The following DNAJC9 variants were observed in gnomAD, a reference collection of about 807,000 sequenced individuals.
DNAJC9 encodes the protein DnaJ heat shock protein family (Hsp40) member C9.
Under a neutral mutation model 32.4 loss-of-function variants are expected in DNAJC9, and 18 were observed. The observed-to-expected ratio is 0.56, with a 90% CI of 0.38 to 0.82. The LOEUF is 0.82. Among genes scored for constraint, DNAJC9 ranks in the 40% least tolerant of loss-of-function variants. DNAJC9 has a pLI of 0.00. For synonymous variants in DNAJC9, 113 were observed against 122.1 expected (o/e 0.93, Z 0.49); for missense variants, 310 against 321.8 (o/e 0.96, Z 0.28).
intron 4 of DNAJC9, 136 bp from the exon 5 acceptor site, chr10:73,243,655 C>T: frequency 1.6e-6 from 2 of 1,240,844 alleles, no homozygotes; most frequent in South Asian, 1.5e-5. Flanking sequence ...AAATGTCCTA[C>T]AATTGGTGTT....
downstream of DNAJC9, among the ~76,000 whole-genome samples, chr10:73,240,735 G>A (rs1451025789): frequency 1.3e-5 from 2 of 151,448 alleles, no homozygotes; most frequent in Non-Finnish European, 2.9e-5. Context: ...AAAAACCTCA[G>A]GTATAACTTA....
At chr10:73,244,312 A>C (rs1564723029) in intron 3 of DNAJC9, 3 of 182,214 alleles carry the variant, frequency 1.6e-5, no homozygotes, top group Non-Finnish European at 3.4e-5. Flanking sequence ...CCTGGGTAAC[A>C]TAGTGAGACC....
intron 3 of DNAJC9, 80 bp downstream of exon 3, chr10:73,245,841 GT>G: frequency 6.5e-7 from 1 of 1,535,582 alleles, no homozygotes. Flanking sequence ...GGAGTTTTAT[GT>G]TTACTTCTAC....
chr10:73,235,368 G>T (rs1221628716), downstream of DNAJC9: 5 of 1,547,918 alleles, frequency 3.2e-6, no homozygotes, highest in East Asian at 1.2e-4. Context: ...GGAAAGAAAA[G>T]GTGGGGGGAA....
At chr10:73,234,394 T>C (rs746694463), downstream of DNAJC9, 2 of 168,874 alleles carry the variant, frequency 1.2e-5, no homozygotes, top group African/African-American at 4.8e-5. Context: ...CTGCTCCAGA[T>C]CCTACTGAAG....
At chr10:73,243,695 A>C (rs560667394) in intron 4 of DNAJC9, 148 bp downstream of exon 4, 8 of 1,113,264 alleles carry the variant, frequency 7.2e-6, no homozygotes, top group Middle Eastern at 4.2e-4. Context: ...AAATACACTT[A>C]AAACCACCAA....
At chr10:73,232,817 T>A in intron 2 of DNAJC9, 1 of 634,246 alleles carries the variant, frequency 1.6e-6, no homozygotes, top group South Asian at 1.9e-5. Context: ...TTGAAAGGTT[T>A]TTATTTTTGC....
intron 1 of DNAJC9, 78 bp downstream of exon 1, chr10:73,246,932 C>T (rs1192111754): frequency 3.2e-6 from 5 of 1,579,082 alleles, no homozygotes; most frequent in Non-Finnish European, 4.3e-6. Flanking sequence ...GCGCGCTCCC[C>T]CGGGGCGGGG....
At chr10:73,238,775 A>G (rs2043880470), downstream of DNAJC9, 1 of 152,310 alleles carries the variant, frequency 6.6e-6, no homozygotes, top group Admixed American at 6.5e-5. Context: ...AGGATGTCAT[A>G]TATAGCTTTA....
chr10:73,243,163 C>T lies in DNAJC9; in HGVS notation c.*237G>A, dbSNP rs1271861894. ...AGGAAGGACACTGCCTCCCTCCACC[C>T]TCCCAAATGTCACCACCAAGTTCCT... On this transcript the variant is annotated 3_prime_UTR_variant, in exon 5 of 5. Transcript: ENST00000372950. 8.4e-6 allele frequency: 4 copies of T among 473,806 alleles called. No individual in the cohort carries two copies. Among genetic ancestry groups the T allele is most frequent in the African/African-American group, 4.0e-5 (2 of 50,442 alleles). The allele number at this position is 473,806 out of a possible 1,614,324, so 29.4% of individuals were successfully genotyped here.
downstream of DNAJC9, chr10:73,235,629 GTTC>G (rs2133410915): frequency 8.7e-6 from 3 of 342,888 alleles, no homozygotes; most frequent in South Asian, 1.1e-4. Flanking sequence ...ATGTAATCCT[GTTC>G]TTCTGGAATT....
At chr10:73,239,748 G>A (rs2043900149), downstream of DNAJC9, among the ~76,000 whole-genome samples, 1 of 151,376 alleles carries the variant, frequency 6.6e-6, no homozygotes, top group African/African-American at 2.4e-5. Context: ...ATTTTATTAT[G>A]CAGGCAAAAT....
intron 2 of DNAJC9, 86 bp from the exon 3 acceptor site, chr10:73,246,262 T>C (rs2044006601): frequency 7.8e-6 from 11 of 1,415,376 alleles, no homozygotes; most frequent in Non-Finnish European, 1.1e-5. Context: ...GGGTGTTGAA[T>C]TGCTGCAATA....
intron 4 of DNAJC9, 56 bp from the exon 5 acceptor site, chr10:73,243,575 C>T: frequency 1.2e-6 from 2 of 1,600,296 alleles, no homozygotes; most frequent in East Asian, 2.2e-5. Context: ...ACAGAAAGTA[C>T]CTAGTGGTTG....
intron 3 of DNAJC9, 192 bp from the exon 4 acceptor site, chr10:73,244,121 C>G: frequency 1.7e-6 from 1 of 572,430 alleles, no homozygotes. Flanking sequence ...TCCTCTGATT[C>G]CAATTACCAT....
chr10:73,245,970 A>G lies in DNAJC9; in HGVS notation c.528T>C (p.Asn176=). 4 of 1,613,480 alleles carry G rather than the reference A, an allele frequency of 2.5e-6. No homozygotes were observed. The highest frequency in any genetic ancestry group is 1.3e-5 in the African/African-American group (1 of 74,998). Residue 176 remains asparagine (N), a synonymous_variant, in exon 3 of 5, where the codon AAT becomes AAC. Coordinates refer to ENST00000372950, the MANE Select transcript of DNAJC9 (RefSeq NM_015190.5). Reference sequence around the variant, plus strand: ...TTTGTTTCGATTCTTTGACAAAGGCATTATAGGATGGGACCTCTCCGGCGT... The same window carrying G: ...TTTGTTTCGATTCTTTGACAAAGGCGTTATAGGATGGGACCTCTCCGGCGT... ...AIDAGEVPSY[N]AFVKESKQKM... is the part of the protein sequence containing the mutation.
chr10:73,241,148 C>T, downstream of DNAJC9: 1 of 669,856 alleles, frequency 1.5e-6, no homozygotes, highest in Non-Finnish European at 2.7e-6. Flanking sequence ...GTGATTTTGG[C>T]ACAAGTGACC....
At chr10:73,232,824 T>A in intron 2 of DNAJC9, 1 of 643,030 alleles carries the variant, frequency 1.6e-6, no homozygotes, top group Non-Finnish European at 2.7e-6. Context: ...GTTTTTATTT[T>A]TGCTTTATTT....
chr10:73,239,866 ACT>A (rs1173110214), downstream of DNAJC9, among the ~76,000 whole-genome samples: 17 of 152,188 alleles, frequency 1.1e-4, no homozygotes, highest in Admixed American at 3.9e-4. Context: ...TATCGCATTA[ACT>A]CTTTTTATCT....
Sources: allele counts gnomAD v4.1 joint callset (sites outside exome capture counted in the v4.1 genomes callset), GRCh38; gene constraint gnomAD v4.1.1; transcripts MANE v1.5; gene names NCBI Gene and HGNC (gene_info 2026-07-23, HGNC 2026-07-21).